Variants in NOX4 observed in about 807,000 individuals in gnomAD.
NOX4 encodes NADPH oxidase 4, also known as kidney oxidase-1.
Under a neutral mutation model 87.6 loss-of-function variants are expected in NOX4, and 69 were observed. The observed-to-expected ratio is 0.79, with a 90% CI of 0.65 to 0.96. The LOEUF (loss-of-function observed/expected upper bound fraction) is 0.96. Ranked by LOEUF, NOX4 falls within the 40% of genes least tolerant of loss-of-function variation. NOX4 has a pLI of 0.00. For missense variants in NOX4, 680 were observed against 681.5 expected, an observed-to-expected ratio of 1.00 and a Z score of 0.02; for synonymous variants, 275 against 238.2, an observed-to-expected ratio of 1.15 and a Z score of -1.42.
chr11:89,325,750 TC>T lies in NOX4; in HGVS notation c.*1005del, dbSNP rs1455794514. 2.0e-5 allele frequency: 3 copies of T among 151,972 alleles called. No homozygotes were observed. The highest frequency in any genetic ancestry group is 2.9e-5 in the Non-Finnish European group (2 of 68,000). The allele number at this position is 151,972 out of a possible 1,614,324, so 9.4% of individuals were successfully genotyped here. ...TCAGTCCCTACTGACACACATGATG[TC>T]CTTTGGTCTCAAAGTGCAAATTAAC... On this transcript the variant is annotated 3_prime_UTR_variant, in exon 18 of 18. Coordinates refer to ENST00000263317, the MANE Select transcript of NOX4 (RefSeq NM_016931.5).
intron 2 of NOX4, among the ~76,000 whole-genome samples, chr11:89,460,444 T>G (rs1452305876): frequency 6.6e-6 from 1 of 152,020 alleles, no homozygotes; most frequent in Non-Finnish European, 1.5e-5. Context: ...GAATCTACGA[T>G]GAACTCAAAC....
chr11:89,390,811 C>T (rs1181769033), intron 11 of NOX4, among the ~76,000 whole-genome samples: 2 of 152,156 alleles, frequency 1.3e-5, no homozygotes, highest in Admixed American at 6.6e-5. Flanking sequence ...GCCATAGGTA[C>T]ATTTTCCCCT....
At chr11:89,485,637 A>G (rs974982314) in intron 2 of NOX4, among the ~76,000 whole-genome samples, 7 of 152,144 alleles carry the variant, frequency 4.6e-5, no homozygotes, top group African/African-American at 1.7e-4. Context: ...GTTGAACACA[A>G]CCTGTTACTA....
intron 6 of NOX4, among the ~76,000 whole-genome samples, chr11:89,436,228 G>A (rs559988592): frequency 5.1e-4 from 78 of 152,246 alleles, no homozygotes; most frequent in African/African-American, 1.4e-4. Flanking sequence ...TGCAACACAC[G>A]GCATTAAGTG....
chr11:89,578,789 A>G, the NOX4 span, among the ~76,000 whole-genome samples: 3 of 152,200 alleles, frequency 2.0e-5, no homozygotes, highest in South Asian at 2.1e-4. Context: ...GCAATTGTAT[A>G]TATTACATTG....
At chr11:89,450,750 A>G (rs545608088) in intron 3 of NOX4, among the ~76,000 whole-genome samples, 1 of 140,534 alleles carries the variant, frequency 7.1e-6, no homozygotes, top group African/African-American at 2.7e-5. Context: ...TTTAATCAAG[A>G]CATATTTCTC....
At chr11:89,509,957 G>T in the NOX4 span, among the ~76,000 whole-genome samples, 3 of 152,176 alleles carry the variant, frequency 2.0e-5, no homozygotes, top group East Asian at 5.8e-4. Context: ...GTAATGATGG[G>T]TAGTAGGAAT....
At chr11:89,360,962 T>A (rs562367654) in intron 12 of NOX4, among the ~76,000 whole-genome samples, 1 of 152,060 alleles carries the variant, frequency 6.6e-6, no homozygotes, top group South Asian at 2.1e-4. Flanking sequence ...GATGTTGGTA[T>A]GGATGTGGTA....
chr11:89,414,484 C>A (rs1340751442), intron 8 of NOX4, among the ~76,000 whole-genome samples: 4 of 151,802 alleles, frequency 2.6e-5, no homozygotes, highest in African/African-American at 9.7e-5. Flanking sequence ...TATAAAGACA[C>A]ACTGGCAATA....
At chr11:89,589,511 A>C in the NOX4 span, 1 of 152,196 alleles carries the variant, frequency 6.6e-6, no homozygotes, top group Non-Finnish European at 1.5e-5. Context: ...CCATGTGGAG[A>C]GACGATGTAA....
chr11:89,506,360 A>C, the NOX4 span, among the ~76,000 whole-genome samples: 3 of 151,692 alleles, frequency 2.0e-5, no homozygotes, highest in Admixed American at 6.6e-5. Flanking sequence ...GAACGAAGGA[A>C]GAAAGGAACA....
chr11:89,351,039 G>A (rs112556266), intron 13 of NOX4, among the ~76,000 whole-genome samples: 4,055 of 152,256 alleles, frequency 0.027, 106 homozygotes, highest in East Asian at 0.13. Context: ...GGCTTCTTGC[G>A]CCAAACAGTG....
At chr11:89,426,361 G>C (rs988114503) in intron 7 of NOX4, among the ~76,000 whole-genome samples, 2 of 152,072 alleles carry the variant, frequency 1.3e-5, no homozygotes, top group Non-Finnish European at 2.9e-5. Context: ...ACTAGGGCTT[G>C]TCAGACAGTG....
chr11:89,401,763 A>G (rs577406057), intron 9 of NOX4, among the ~76,000 whole-genome samples: 55 of 152,244 alleles, frequency 3.6e-4, no homozygotes, highest in Non-Finnish European at 5.3e-4. Flanking sequence ...CAATTTCTTT[A>G]TCAGAAAATC....
chr11:89,366,700 G>GAAA (rs11314993), intron 12 of NOX4, among the ~76,000 whole-genome samples: 2 of 113,118 alleles, frequency 1.8e-5, no homozygotes, highest in Non-Finnish European at 2.0e-5. Context: ...AAACTGAAAA[G>GAAA]AAAAAAAAAA....
At chr11:89,462,059 G>C (rs1247339999) in intron 2 of NOX4, among the ~76,000 whole-genome samples, 3 of 151,776 alleles carry the variant, frequency 2.0e-5, no homozygotes, top group Non-Finnish European at 4.4e-5. Context: ...AAGAAAGCTA[G>C]CTAACTGCAT....
upstream of NOX4, among the ~76,000 whole-genome samples, chr11:89,500,526 C>T (rs1207185915): frequency 1.3e-5 from 2 of 152,150 alleles, no homozygotes; most frequent in East Asian, 1.9e-4. Flanking sequence ...CTAGTCATTA[C>T]TTGTTTTAGC....
rs12222536 is a variant in NOX4, at chr11:89,391,649, C to T, written c.1074+8368G>A. Among the ~76,000 whole-genome samples the T allele has an allele frequency of 3.3e-5, 5 of 150,104 alleles. No individual in the cohort carries two copies. The East Asian group carries it at 9.9e-4, about 30-fold the overall frequency. ...TGCCATGTGCCTGTAGTCCCAACTA[C>T]TCAGGAGGCTAAACCCAGGTGTCCA... On this transcript the variant is annotated intron_variant, in intron 11 of 17. Transcript: ENST00000263317.
At chr11:89,493,339 C>T (rs1261218251), upstream of NOX4, among the ~76,000 whole-genome samples, 1 of 151,470 alleles carries the variant, frequency 6.6e-6, no homozygotes, top group Non-Finnish European at 1.5e-5. Context: ...GAGCCAAGAT[C>T]GCACCACTGC....
Sources: allele counts gnomAD v4.1 joint callset (sites outside exome capture counted in the v4.1 genomes callset), GRCh38; gene constraint gnomAD v4.1.1; transcripts MANE v1.5; gene names NCBI Gene and HGNC (gene_info 2026-07-23, HGNC 2026-07-21).